NTM: variants seen among roughly 807,000 people sequenced by gnomAD.
NTM encodes IgLON family member 2.
NTM carries 13 observed loss-of-function variants against 42.1 expected under a neutral mutation model. That is an observed-to-expected ratio of 0.31 (90% CI 0.20 to 0.49). The LOEUF (loss-of-function observed/expected upper bound fraction) is 0.49, where lower values mean the gene tolerates loss of function less well. Among genes scored for constraint, NTM ranks in the 20% least tolerant of loss-of-function variants. The pLI is 0.99. For missense variants in NTM, 373 were observed against 452.8 expected, an observed-to-expected ratio of 0.82 and a Z score of 1.60; for synonymous variants, 187 against 179.2, an observed-to-expected ratio of 1.04 and a Z score of -0.35.
At position 131,527,222 on chromosome 11, in the gene NTM, T is replaced by C. The variant is rs541576458; in HGVS notation, c.82+156334T>C. Among the ~76,000 whole-genome samples, 7 of 152,340 alleles carry C rather than the reference T, an allele frequency of 4.6e-5. No individual in the cohort carries two copies. The South Asian group carries it at 1.4e-3, about 32-fold the overall frequency. On this transcript the variant is annotated intron_variant, in intron 1 of 8. Coordinates refer to ENST00000683400, the MANE Select transcript of NTM (RefSeq NM_001352005.2). Reference sequence around the variant, plus strand: ...GGCTAAGGCTCCTGTCCTCATTCCCTTGGGTCTCCTTATTCTGAACCCAAC... The same window carrying C: ...GGCTAAGGCTCCTGTCCTCATTCCCCTGGGTCTCCTTATTCTGAACCCAAC...
At chr11:132,079,685 G>A (rs530623778) in intron 2 of NTM, among the ~76,000 whole-genome samples, 2 of 152,258 alleles carry the variant, frequency 1.3e-5, no homozygotes, top group East Asian at 1.9e-4. Context: ...GATGACAATT[G>A]TGAACGTAAC....
chr11:131,623,104 C>T (rs957462631), intron 1 of NTM, among the ~76,000 whole-genome samples: 6 of 152,190 alleles, frequency 3.9e-5, no homozygotes, highest in South Asian at 2.1e-4. Context: ...TTCTCTATAC[C>T]GGAGTTTTAC....
rs114774948 is a variant in NTM at position 132,301,224 on chromosome 11, A to T, written c.527-6465A>T. ...CAGGAAGAAGAGTGAGTGCCCAGCG[A>T]AGTGGGAAGCTCCTTATAAAACCAT... On this transcript the variant is annotated intron_variant, in intron 4 of 8. Coordinates refer to ENST00000683400, the MANE Select transcript of NTM (RefSeq NM_001352005.2). Among the ~76,000 whole-genome samples the T allele has an allele frequency of 7.9e-3, 1,204 of 152,316 alleles. 16 individuals carry two copies. The highest frequency in any genetic ancestry group is 0.028 in the African/African-American group (1,144 of 41,574).
chr11:131,948,081 G>A (rs375884474), intron 2 of NTM, among the ~76,000 whole-genome samples: 8 of 152,226 alleles, frequency 5.3e-5, no homozygotes, highest in African/African-American at 1.9e-4. Context: ...AGCTCAATTG[G>A]CCGGGTGCAG....
intron 1 of NTM, among the ~76,000 whole-genome samples, chr11:131,559,821 C>T (rs769791573): frequency 6.6e-6 from 1 of 152,166 alleles, no homozygotes; most frequent in Non-Finnish European, 1.5e-5. Flanking sequence ...ATGAGAGGCT[C>T]ACTTTCGTTC....
intron 8 of NTM, among the ~76,000 whole-genome samples, chr11:132,334,708 G>C (rs943947309): frequency 2.0e-5 from 3 of 152,042 alleles, no homozygotes; most frequent in Admixed American, 1.3e-4. Context: ...TTAAAGCTCT[G>C]TGTAGGATAT....
At chr11:132,316,589 C>T (rs537412398) in intron 7 of NTM, among the ~76,000 whole-genome samples, 2 of 152,286 alleles carry the variant, frequency 1.3e-5, no homozygotes, top group East Asian at 3.9e-4. Flanking sequence ...GTCCCGGAGC[C>T]TTAACATGCT....
At chr11:131,758,126 C>T (rs185830024) in intron 1 of NTM, among the ~76,000 whole-genome samples, 2 of 152,172 alleles carry the variant, frequency 1.3e-5, no homozygotes, top group African/African-American at 4.8e-5. Flanking sequence ...TTAAGTTCAA[C>T]AGAGACTATT....
At chr11:131,890,847 A>G (rs1362586658) in intron 1 of NTM, among the ~76,000 whole-genome samples, 2 of 152,230 alleles carry the variant, frequency 1.3e-5, no homozygotes, top group African/African-American at 2.4e-5. Context: ...TGTCTCTGGC[A>G]GAACCACTTT....
rs1386175222 is a variant in NTM, at chr11:132,146,555, C to T, written c.400+41C>T. 3.1e-5 allele frequency: 50 copies of T among 1,598,972 alleles called. No individual in the cohort carries two copies. Among genetic ancestry groups the T allele is most frequent in the Non-Finnish European group, 4.0e-5 (47 of 1,170,132 alleles). On this transcript the variant is annotated intron_variant, in intron 3 of 8. Transcript: ENST00000683400. This position sits in a 1 kb window ranked among gnomAD's most constrained non-coding sequence, Gnocchi z 4.5. ...TTGGCGGGGAGATCTGGCTGGCCAG[C>T]CTGGAAAGCCTTCAGGTAAAGGTTT...
chr11:131,624,756 C>A (rs955424305), intron 1 of NTM, among the ~76,000 whole-genome samples: 1 of 152,176 alleles, frequency 6.6e-6, no homozygotes, highest in Non-Finnish European at 1.5e-5. Context: ...GTGCACAGGG[C>A]GAGTCCCTCT....
intron 2 of NTM, among the ~76,000 whole-genome samples, chr11:131,969,060 G>C (rs184305084): frequency 6.6e-5 from 10 of 152,296 alleles, no homozygotes; most frequent in Admixed American, 5.9e-4. Context: ...TGCAATTCAA[G>C]ATTAAAAACA....
At chr11:132,278,743 TTC>T (rs66748602) in intron 4 of NTM, among the ~76,000 whole-genome samples, 13,570 of 137,614 alleles carry the variant, frequency 0.099, 724 homozygotes, top group East Asian at 0.16. Flanking sequence ...TCATTTGGGC[TTC>T]TCTCTCTCTC....
At chr11:132,277,040 C>T (rs571004788) in intron 4 of NTM, among the ~76,000 whole-genome samples, 2 of 152,244 alleles carry the variant, frequency 1.3e-5, no homozygotes, top group Admixed American at 1.3e-4. Flanking sequence ...ACTTCTATTT[C>T]TAGCAGTGCT....
At chr11:131,721,171 G>A (rs999107377) in intron 1 of NTM, among the ~76,000 whole-genome samples, 2 of 151,728 alleles carry the variant, frequency 1.3e-5, no homozygotes, top group African/African-American at 2.4e-5. Context: ...GTGACCCCGG[G>A]AAACCAGAGT....
At chr11:131,718,243 C>T (rs1399457871) in intron 1 of NTM, among the ~76,000 whole-genome samples, 1 of 152,058 alleles carries the variant, frequency 6.6e-6, no homozygotes, top group Non-Finnish European at 1.5e-5. Flanking sequence ...GGGAATTATT[C>T]CTTCCTCTTC....
chr11:132,137,397 AC>A (rs1427624232), intron 2 of NTM, among the ~76,000 whole-genome samples: 1 of 152,200 alleles, frequency 6.6e-6, no homozygotes, highest in African/African-American at 2.4e-5. Flanking sequence ...ACCATCTATA[AC>A]CATCAGTGAT....
intron 3 of NTM, among the ~76,000 whole-genome samples, chr11:132,161,529 G>A (rs1475422603): frequency 2.6e-5 from 4 of 151,134 alleles, no homozygotes; most frequent in African/African-American, 4.9e-5. Context: ...CTCACGCATC[G>A]CCAACCCCGT....
At chr11:131,425,312 A>C (rs182329121) in intron 1 of NTM, among the ~76,000 whole-genome samples, 23 of 152,300 alleles carry the variant, frequency 1.5e-4, no homozygotes, top group Middle Eastern at 3.4e-3. Flanking sequence ...ATAGTTTCCC[A>C]AAAACGCCCT....
Sources: gnomAD v4.1 joint callset for allele counts (sites outside exome capture counted in the v4.1 genomes callset) on GRCh38, gnomAD v4.1.1 for gene constraint, Gnocchi (gnomAD v3.1) non-coding constraint, MANE v1.5 for transcripts, NCBI Gene and HGNC (gene_info 2026-07-23, HGNC 2026-07-21) for gene names.